MYO18B: variants seen among roughly 807,000 people sequenced by gnomAD.
The protein encoded by MYO18B is unconventional myosin-XVIIIb.
A neutral mutation model predicts 273.0 loss-of-function variants in MYO18B; 204 were observed. The observed-to-expected ratio is 0.75, with a 90% CI of 0.67 to 0.84. The LOEUF is 0.84. MYO18B is among the 40% of genes least tolerant of loss of function. The pLI is 0.00. For missense variants in MYO18B, 3,212 were observed against 3,287.6 expected (o/e 0.98, Z 0.56); for synonymous variants, 1,330 against 1,305.7 (o/e 1.02, Z -0.40).
chr22:25,770,261 A>T, intron 5 of MYO18B, 85 bp downstream of exon 5: 1 of 1,394,782 alleles, frequency 7.2e-7, no homozygotes, highest in South Asian at 1.2e-5. Context: ...CCAGGTCCTG[A>T]TTATACTTTG....
chr22:26,024,036 A>G (rs1936052371), intron 42 of MYO18B, among the ~76,000 whole-genome samples: 1 of 152,128 alleles, frequency 6.6e-6, no homozygotes, highest in African/African-American at 2.4e-5. Flanking sequence ...TTTAGCACAT[A>G]GGAACCAACC....
the MYO18B span, among the ~76,000 whole-genome samples, chr22:26,041,352 CAAAAAA>C: frequency 1.3e-4 from 8 of 62,196 alleles, no homozygotes; most frequent in African/African-American, 4.7e-4. Flanking sequence ...CTGTCTCTAC[CAAAAAA>C]AAAAAAAAAA....
intron 33 of MYO18B, among the ~76,000 whole-genome samples, chr22:25,920,133 G>A (rs2092320550): frequency 6.6e-6 from 1 of 152,138 alleles, no homozygotes; most frequent in Admixed American, 6.5e-5. Flanking sequence ...GACATTCTGA[G>A]CATCCCAGGA....
Position 25,757,703 on chromosome 22 carries a change from C to G in MYO18B, c.-109-3281C>G, listed in dbSNP as rs536945699. The stretch of plus-strand genomic sequence containing the variant: ...AGTGAAGCACATTGCTCAGAGGGCC[C>G]GGCCAACCAGAGCTAGAAGTGAGAA... On this transcript the variant is annotated intron_variant, in intron 1 of 43. Coordinates refer to ENST00000335473, the MANE Select transcript of MYO18B (RefSeq NM_032608.7). Among the ~76,000 whole-genome samples the G allele has an allele frequency of 7.2e-5, 11 of 152,260 alleles. No individual in the cohort carries two copies. The East Asian group carries it at 9.6e-4, about 13-fold the overall frequency.
chr22:26,018,641 C>G (rs546853032), intron 42 of MYO18B, among the ~76,000 whole-genome samples: 1 of 152,302 alleles, frequency 6.6e-6, no homozygotes, highest in South Asian at 2.1e-4. Flanking sequence ...AAGCCTGACT[C>G]AACCCACCTC....
At chr22:25,818,849 C>A (rs2089154825) in intron 12 of MYO18B, among the ~76,000 whole-genome samples, 1 of 152,036 alleles carries the variant, frequency 6.6e-6, no homozygotes, top group Non-Finnish European at 1.5e-5. Context: ...CTTCTTGCAA[C>A]CCTATGAAGA....
intron 42 of MYO18B, among the ~76,000 whole-genome samples, chr22:26,025,602 A>G (rs7284759): frequency 2.6e-4 from 40 of 152,242 alleles, no homozygotes; most frequent in African/African-American, 8.7e-4. Context: ...TACTTTTTTA[A>G]AAAATAAATT....
the MYO18B span, among the ~76,000 whole-genome samples, chr22:26,040,770 T>C: frequency 6.6e-6 from 1 of 152,116 alleles, no homozygotes; most frequent in African/African-American, 2.4e-5. Context: ...TGAGCACCTT[T>C]AAGGAGGCTA....
At chr22:26,026,397 G>A in intron 42 of MYO18B, 48 bp from the exon 43 acceptor site, 1 of 1,555,204 alleles carries the variant, frequency 6.4e-7, no homozygotes, top group Non-Finnish European at 8.7e-7. Flanking sequence ...TGCACAAATT[G>A]TATGAATTGC....
At chr22:25,815,407 G>C (rs890617459) in intron 12 of MYO18B, among the ~76,000 whole-genome samples, 9 of 152,160 alleles carry the variant, frequency 5.9e-5, no homozygotes, top group Non-Finnish European at 1.0e-4. Flanking sequence ...TGACAACTCT[G>C]CTCCTCAGGT....
Position 25,823,560 on chromosome 22 carries a change from G to T in MYO18B, c.2577G>T (p.Leu859=), listed in dbSNP as rs1318425571. ...FEWANYAAEA[L]GCEYEELNTA... is the part of the protein sequence containing the mutation. ...GGGCAAACTACGCAGCTGAGGCCCT[G>T]GGCTGCGAGTATGAGGAGCTGAACA... is the stretch of plus-strand genomic sequence containing the variant. The change falls in exon 13 of 44, where the codon CTG becomes CTT. Residue 859 remains leucine (L), a synonymous_variant. Coordinates refer to ENST00000335473, the MANE Select transcript of MYO18B (RefSeq NM_032608.7). 1.2e-6 allele frequency: 2 copies of T among 1,613,874 alleles called. No homozygotes were observed. Among genetic ancestry groups the T allele is most frequent in the Admixed American group, 3.3e-5 (2 of 60,004 alleles).
At chr22:25,766,243 C>A (rs1465081964) in intron 3 of MYO18B, among the ~76,000 whole-genome samples, 3 of 151,964 alleles carry the variant, frequency 2.0e-5, no homozygotes, top group Non-Finnish European at 2.9e-5. Flanking sequence ...ACATCTAGTT[C>A]TTTGCTTGTA....
intron 1 of MYO18B, among the ~76,000 whole-genome samples, chr22:25,757,015 C>T (rs185223442): frequency 2.0e-5 from 3 of 152,140 alleles, no homozygotes; most frequent in South Asian, 2.1e-4. Flanking sequence ...GAGCCGAGAT[C>T]GTGCCACTGC....
At position 25,952,279 on chromosome 22, in the gene MYO18B, C is replaced by T; in HGVS notation, c.5833-7C>T. The T allele has an allele frequency of 6.2e-7, 1 of 1,608,114 alleles. No individual in the cohort carries two copies. The highest frequency in any genetic ancestry group is 8.5e-7 in the Non-Finnish European group (1 of 1,177,668). On this transcript the variant is annotated splice_region_variant and splice_polypyrimidine_tract_variant and intron_variant, in intron 37 of 43. Coordinates refer to ENST00000335473, the MANE Select transcript of MYO18B (RefSeq NM_032608.7). ...AGATGTCCAATAGACTTCTCTCATACTTACAGCTGCAGGTGGCTCAGATGC... is the reference window on the plus strand; with the variant it reads ...AGATGTCCAATAGACTTCTCTCATATTTACAGCTGCAGGTGGCTCAGATGC...
At chr22:25,799,034 T>C (rs1040377589) in intron 12 of MYO18B, among the ~76,000 whole-genome samples, 53 of 152,118 alleles carry the variant, frequency 3.5e-4, no homozygotes, top group African/African-American at 1.2e-3. Flanking sequence ...CCTCTCCGTA[T>C]CCAATCATTC....
downstream of MYO18B, among the ~76,000 whole-genome samples, chr22:26,035,500 A>C (rs1220424822): frequency 6.6e-6 from 1 of 152,228 alleles, no homozygotes; most frequent in African/African-American, 2.4e-5. Context: ...TCTCTGGCCA[A>C]ATATGCCTGG....
intron 39 of MYO18B, among the ~76,000 whole-genome samples, chr22:25,979,299 A>G (rs2093125544): frequency 1.3e-5 from 2 of 152,212 alleles, no homozygotes; most frequent in African/African-American, 4.8e-5. Context: ...TGGGAAGTGT[A>G]GTGTCAGTAT....
chr22:26,049,202 C>T, the MYO18B span, among the ~76,000 whole-genome samples: 1 of 152,198 alleles, frequency 6.6e-6, no homozygotes, highest in Non-Finnish European at 1.5e-5. Context: ...TGGCAACCAG[C>T]CCCCAGCACC....
At chr22:26,034,699 T>A (rs1936745030), downstream of MYO18B, among the ~76,000 whole-genome samples, 1 of 152,204 alleles carries the variant, frequency 6.6e-6, no homozygotes, top group East Asian at 1.9e-4. Context: ...TTCCTCTTGC[T>A]TTTATACCCT....
Sources: allele counts gnomAD v4.1 joint callset (sites outside exome capture counted in the v4.1 genomes callset), GRCh38; gene constraint gnomAD v4.1.1; transcripts MANE v1.5; gene names NCBI Gene and HGNC (gene_info 2026-07-23, HGNC 2026-07-21).